The following USP15 variants were observed in gnomAD, a reference collection of about 807,000 sequenced individuals.
USP15 encodes ubiquitin specific peptidase 15.
USP15 carries 18 observed loss-of-function variants against 127.1 expected under a neutral mutation model. The ratio of observed to expected loss-of-function variants is 0.14; its 90% CI spans 0.10 to 0.21. USP15 has a LOEUF of 0.21. USP15 is among the 10% of genes least tolerant of loss of function. The pLI is 1.00. For missense variants in USP15, 805 were observed against 1,159.9 expected (o/e 0.69, Z 4.44); for synonymous variants, 364 against 393.7 (o/e 0.92, Z 0.89).
At chr12:62,307,202 C>T (rs1194053972) in intron 3 of USP15, among the ~76,000 whole-genome samples, 1 of 152,118 alleles carries the variant, frequency 6.6e-6, no homozygotes, top group Non-Finnish European at 1.5e-5. Context: ...TGAAAGACGC[C>T]TTTGACCTCC....
intron 7 of USP15, among the ~76,000 whole-genome samples, chr12:62,353,852 A>G (rs537362245): frequency 6.6e-6 from 1 of 152,174 alleles, no homozygotes; most frequent in Admixed American, 6.6e-5. Flanking sequence ...AGAAAGATGC[A>G]TGAATTATAT....
intron 1 of USP15, chr12:62,267,215 G>A (rs2137036119): frequency 6.6e-6 from 1 of 152,092 alleles, no homozygotes; most frequent in South Asian, 2.1e-4. Context: ...TTCCTCTGAA[G>A]CCACTTCGCC....
At chr12:62,346,135 A>G (rs1024063206) in intron 6 of USP15, among the ~76,000 whole-genome samples, 1 of 152,250 alleles carries the variant, frequency 6.6e-6, no homozygotes, top group Non-Finnish European at 1.5e-5. Flanking sequence ...AAATAACTAC[A>G]CAAGCTTTTC....
intron 1 of USP15, 115 bp downstream of exon 1, chr12:62,260,618 G>A (rs1301170633): frequency 5.9e-5 from 58 of 987,684 alleles, no homozygotes; most frequent in Non-Finnish European, 8.6e-5. Context: ...GGCGGCGGCC[G>A]CCGGGGCAGC....
intron 8 of USP15, among the ~76,000 whole-genome samples, chr12:62,367,033 A>G (rs1047535333): frequency 6.6e-6 from 1 of 152,158 alleles, no homozygotes; most frequent in Admixed American, 6.5e-5. Context: ...TGTCTCTGCC[A>G]GGTTTTGGTA....
At chr12:62,372,287 T>G (rs1457773115) in intron 8 of USP15, among the ~76,000 whole-genome samples, 1 of 152,128 alleles carries the variant, frequency 6.6e-6, no homozygotes, top group Non-Finnish European at 1.5e-5. Context: ...GTCCTGCAAA[T>G]GCAGTCGATC....
intron 1 of USP15, among the ~76,000 whole-genome samples, chr12:62,267,634 A>G (rs1440151393): frequency 6.6e-6 from 1 of 152,102 alleles, no homozygotes; most frequent in East Asian, 1.9e-4. Context: ...AGACCCAGAT[A>G]TTAGCGTGGT....
At chr12:62,309,914 A>T (rs1391898329) in intron 3 of USP15, among the ~76,000 whole-genome samples, 1 of 152,004 alleles carries the variant, frequency 6.6e-6, no homozygotes, top group Non-Finnish European at 1.5e-5. Flanking sequence ...AAATATTAAA[A>T]GTTCTTCCCA....
intron 8 of USP15, among the ~76,000 whole-genome samples, chr12:62,379,845 A>C (rs1011400838): frequency 2.0e-5 from 3 of 152,056 alleles, no homozygotes; most frequent in African/African-American, 7.2e-5. Flanking sequence ...AATTGCCTGG[A>C]TCTCCCTTTA....
At chr12:62,377,752 T>A (rs1253474000) in intron 8 of USP15, among the ~76,000 whole-genome samples, 5 of 151,894 alleles carry the variant, frequency 3.3e-5, no homozygotes, top group African/African-American at 1.2e-4. Flanking sequence ...ACCGGCTTCT[T>A]TTTTCTGCCA....
intron 8 of USP15, among the ~76,000 whole-genome samples, chr12:62,378,721 C>T (rs976412525): frequency 9.9e-5 from 15 of 151,890 alleles, no homozygotes; most frequent in Admixed American, 7.2e-4. Flanking sequence ...TTGTACTGCC[C>T]GTATGGTTTA....
chr12:62,313,705 C>G (rs1276076570), intron 3 of USP15, among the ~76,000 whole-genome samples: 1 of 151,658 alleles, frequency 6.6e-6, no homozygotes, highest in South Asian at 2.1e-4. Flanking sequence ...AAACAAATTA[C>G]ATTTATTAGC....
At chr12:62,373,422 T>C (rs1405853522) in intron 8 of USP15, among the ~76,000 whole-genome samples, 3 of 151,972 alleles carry the variant, frequency 2.0e-5, no homozygotes, top group Non-Finnish European at 4.4e-5. Flanking sequence ...AGAAATACCA[T>C]AGAATTTCAA....
rs116556964 is a variant in USP15 at position 62,338,336 on chromosome 12, A to C, written c.684-10885A>C. Among the ~76,000 whole-genome samples, 1,158 of 151,618 alleles carry C rather than the reference A, an allele frequency of 7.6e-3. 12 individuals are homozygous for C. Among genetic ancestry groups the C allele is most frequent in the African/African-American group, 0.026 (1,087 of 41,392 alleles). On this transcript the variant is annotated intron_variant, in intron 6 of 21. Transcript: ENST00000280377. Reference sequence around the variant, plus strand: ...CTTTTTGATGGGATTTTTCTTTCTCATGTAAATTTGTTTATGTTCCTTGTA... The same window carrying C: ...CTTTTTGATGGGATTTTTCTTTCTCCTGTAAATTTGTTTATGTTCCTTGTA...
intron 21 of USP15, 93 bp downstream of exon 21, chr12:62,401,368 T>C (rs2067681805): frequency 1.1e-6 from 1 of 916,726 alleles, no homozygotes; most frequent in Non-Finnish European, 1.6e-6. Flanking sequence ...AACACTGTAG[T>C]CTATATTCTA....
intron 1 of USP15, among the ~76,000 whole-genome samples, chr12:62,272,265 T>C (rs1247687818): frequency 6.6e-6 from 1 of 151,984 alleles, no homozygotes; most frequent in East Asian, 1.9e-4. Flanking sequence ...TTTTCTGAGA[T>C]TAAGTGTGCT....
chr12:62,353,399 C>T (rs751300928), intron 7 of USP15, among the ~76,000 whole-genome samples: 5 of 151,902 alleles, frequency 3.3e-5, no homozygotes, highest in Non-Finnish European at 7.4e-5. Flanking sequence ...TTGTGTTACA[C>T]GTGGGGAGAG....
rs2066533861 is a variant in USP15 at position 62,368,002 on chromosome 12, C to T, written c.915+12527C>T. Reference sequence around the variant, plus strand: ...TGAATGTGTCCCAGAGATTCTGGTACGTTGTATCTTTGTTCTCATTGGTTT... The same window carrying T: ...TGAATGTGTCCCAGAGATTCTGGTATGTTGTATCTTTGTTCTCATTGGTTT... On this transcript the variant is annotated intron_variant, in intron 8 of 21. Transcript: ENST00000280377. Among the ~76,000 whole-genome samples, 3 of 152,092 alleles carry T rather than the reference C, an allele frequency of 2.0e-5. No homozygotes were observed. In the South Asian group the frequency reaches 6.2e-4, roughly 32 times the overall value.
intron 8 of USP15, among the ~76,000 whole-genome samples, chr12:62,380,123 G>A (rs1313652745): frequency 4.0e-5 from 6 of 151,688 alleles, no homozygotes; most frequent in African/African-American, 1.2e-4. Context: ...TATTATTTTC[G>A]TTGCCTAAGA....
Sources: gnomAD v4.1 joint callset for allele counts (sites outside exome capture counted in the v4.1 genomes callset) on GRCh38, gnomAD v4.1.1 for gene constraint, MANE v1.5 for transcripts, NCBI Gene and HGNC (gene_info 2026-07-23, HGNC 2026-07-21) for gene names.